PGPEP1L: variants seen among roughly 807,000 people sequenced by gnomAD.
PGPEP1L encodes the protein pyroglutamyl-peptidase I like.
PGPEP1L carries 7 observed loss-of-function variants against 6.0 expected under a neutral mutation model. The observed-to-expected ratio is 1.17, with a 90% CI of 0.66 to 2.19. The LOEUF is 2.19. Among genes scored for constraint, PGPEP1L ranks in the 30% most tolerant of loss-of-function variants. The pLI is 0.00. For missense variants in PGPEP1L, 209 were observed against 192.5 expected (o/e 1.09, Z -0.51); for synonymous variants, 103 against 83.9 (o/e 1.23, Z -1.24).
intron 2 of PGPEP1L, chr15:99,001,190 G>A (rs1353939341): frequency 9.3e-6 from 4 of 431,892 alleles, no homozygotes; most frequent in East Asian, 8.6e-5. Flanking sequence ...CACTCACCAC[G>A]AGAGTCCGCG....
chr15:98,977,016 A>C (rs896286910), intron 2 of PGPEP1L, among the ~76,000 whole-genome samples: 22 of 151,956 alleles, frequency 1.4e-4, no homozygotes, highest in Non-Finnish European at 2.6e-4. Context: ...AAAAAAAAAA[A>C]AAAAAACAAG....
At chr15:98,988,485 C>A (rs1198891448) in intron 2 of PGPEP1L, among the ~76,000 whole-genome samples, 2 of 152,188 alleles carry the variant, frequency 1.3e-5, no homozygotes, top group Admixed American at 1.3e-4. Flanking sequence ...AAGGCAGCAG[C>A]CCCAGTCAGG....
At chr15:98,986,417 T>C (rs1161650255) in intron 2 of PGPEP1L, among the ~76,000 whole-genome samples, 1 of 152,178 alleles carries the variant, frequency 6.6e-6, no homozygotes, top group Non-Finnish European at 1.5e-5. Context: ...CAATAAAAAC[T>C]CTGGATACCA....
chr15:98,975,817 G>GT (rs1270562473), intron 2 of PGPEP1L, among the ~76,000 whole-genome samples: 1 of 152,148 alleles, frequency 6.6e-6, no homozygotes, highest in African/African-American at 2.4e-5. Context: ...GGAGGCGGAG[G>GT]TTGCAGTGAG....
intron 2 of PGPEP1L, among the ~76,000 whole-genome samples, chr15:98,980,216 A>G (rs1264345173): frequency 6.6e-6 from 1 of 152,226 alleles, no homozygotes; most frequent in Admixed American, 6.5e-5. Context: ...TGTCCAACTT[A>G]GTCTAACTTT....
intron 2 of PGPEP1L, among the ~76,000 whole-genome samples, chr15:98,980,534 G>T (rs866786385): frequency 1.3e-5 from 2 of 152,334 alleles, no homozygotes; most frequent in African/African-American, 4.8e-5. Flanking sequence ...AGTAACCGAT[G>T]TAACTCCTCT....
At chr15:98,987,718 C>G (rs2017767098) in intron 2 of PGPEP1L, among the ~76,000 whole-genome samples, 2 of 152,144 alleles carry the variant, frequency 1.3e-5, no homozygotes, top group African/African-American at 4.8e-5. Flanking sequence ...AGGAGCAGCT[C>G]CAGTCTGCAG....
intron 2 of PGPEP1L, among the ~76,000 whole-genome samples, chr15:98,997,147 C>CA (rs1254752251): frequency 4.6e-5 from 7 of 152,178 alleles, no homozygotes; most frequent in African/African-American, 1.7e-4. Context: ...GAACTGCCTG[C>CA]AGACACACAG....
At chr15:98,982,550 C>T (rs1011907652) in intron 2 of PGPEP1L, among the ~76,000 whole-genome samples, 3 of 152,062 alleles carry the variant, frequency 2.0e-5, no homozygotes, top group African/African-American at 4.8e-5. Flanking sequence ...GTTATCCAAC[C>T]GTGGAGGCCA....
At chr15:98,975,483 G>C (rs1253265839) in intron 2 of PGPEP1L, among the ~76,000 whole-genome samples, 1 of 152,178 alleles carries the variant, frequency 6.6e-6, no homozygotes, top group Non-Finnish European at 1.5e-5. Flanking sequence ...AACGTCCTCA[G>C]CACAAAGAAA....
At position 98,990,239 on chromosome 15, in the gene PGPEP1L, T is replaced by C. The variant is rs370386768; in HGVS notation, c.-142+15190A>G. 5.2e-4 allele frequency among the ~76,000 whole-genome samples: 79 copies of C among 151,176 alleles called. 1 individual carries two copies. The highest frequency in any genetic ancestry group is 1.9e-3 in the African/African-American group (78 of 41,088). ...GGTGTCTCACGTGCAAAGACACACA[T>C]AGGCTCAAAATAAAGGGATGGAGGA... is the stretch of plus-strand genomic sequence containing the variant. On this transcript the variant is annotated intron_variant, in intron 2 of 4. Transcript: ENST00000535714.
intron 2 of PGPEP1L, among the ~76,000 whole-genome samples, chr15:98,986,217 T>C (rs1284612553): frequency 1.3e-5 from 2 of 152,182 alleles, no homozygotes; most frequent in East Asian, 1.9e-4. Context: ...GTGTCTTTCA[T>C]GGGAATGAGG....
rs61346212 is a variant in PGPEP1L at position 99,000,723 on chromosome 15, C to G, written c.-142+4706G>C. ...GTCTAACTCAGGGATTATAAACACA[C>G]CAATCAGCACCCTGTCAAAATGGAC... On this transcript the variant is annotated intron_variant, in intron 2 of 4. Transcript: ENST00000535714. 9.9e-3 allele frequency among the ~76,000 whole-genome samples: 1,500 copies of G among 152,176 alleles called. 23 individuals carry two copies. The highest frequency in any genetic ancestry group is 0.035 in the African/African-American group (1,438 of 41,526).
intron 2 of PGPEP1L, among the ~76,000 whole-genome samples, chr15:99,003,360 A>AC (rs1183573810): frequency 6.6e-6 from 1 of 151,316 alleles, no homozygotes; most frequent in Non-Finnish European, 1.5e-5. Flanking sequence ...AGAAAAATCA[A>AC]CTCTGCAAGT....
chr15:98,973,238 G>A (rs1377199472), intron 2 of PGPEP1L, among the ~76,000 whole-genome samples: 2 of 152,202 alleles, frequency 1.3e-5, no homozygotes, highest in Admixed American at 6.5e-5. Flanking sequence ...CCTAAAGGGA[G>A]AGATTAACTG....
chr15:98,983,817 G>T (rs2017703791), intron 2 of PGPEP1L, among the ~76,000 whole-genome samples: 1 of 152,080 alleles, frequency 6.6e-6, no homozygotes, highest in East Asian at 1.9e-4. Context: ...TAATCTGTCT[G>T]TATTTTTCTT....
chr15:99,006,420 T>C (rs1371320793), intron 1 of PGPEP1L, among the ~76,000 whole-genome samples: 2 of 152,220 alleles, frequency 1.3e-5, no homozygotes, highest in Admixed American at 1.3e-4. Context: ...CTGCAGACAG[T>C]CCTCTTTTTA....
chr15:98,991,171 A>C (rs1371801239), intron 2 of PGPEP1L, among the ~76,000 whole-genome samples: 2 of 152,202 alleles, frequency 1.3e-5, no homozygotes, highest in African/African-American at 4.8e-5. Context: ...CAATGAATCC[A>C]GGAGCTGGTT....
intron 2 of PGPEP1L, among the ~76,000 whole-genome samples, chr15:98,990,145 T>C (rs1362690028): frequency 1.3e-5 from 2 of 152,166 alleles, no homozygotes; most frequent in Non-Finnish European, 2.9e-5. Context: ...TAACCTTAAA[T>C]GTAAATGGGC....
Sources: gnomAD v4.1 joint callset for allele counts (sites outside exome capture counted in the v4.1 genomes callset) on GRCh38, gnomAD v4.1.1 for gene constraint, MANE v1.5 for transcripts, NCBI Gene and HGNC (gene_info 2026-07-23, HGNC 2026-07-21) for gene names.